ALDH6A1: variants seen among roughly 807,000 people sequenced by gnomAD.
ALDH6A1 encodes methylmalonate-semialdehyde/malonate-semialdehyde dehydrogenase [acylating], mitochondrial.
Under a neutral mutation model 62.6 loss-of-function variants are expected in ALDH6A1, and 43 were observed. That is an observed-to-expected ratio of 0.69 (90% CI 0.54 to 0.89). The LOEUF (loss-of-function observed/expected upper bound fraction) is 0.89. ALDH6A1 is among the 40% of genes least tolerant of loss of function. The pLI is 0.00. For synonymous variants in ALDH6A1, 194 were observed against 234.2 expected (o/e 0.83, Z 1.57); for missense variants, 551 against 661.3 (o/e 0.83, Z 1.83).
At chr14:74,071,577 C>T (rs904997457) in intron 5 of ALDH6A1, 80 bp from the exon 6 acceptor site, 6 of 1,609,030 alleles carry the variant, frequency 3.7e-6, no homozygotes, top group Non-Finnish European at 4.2e-6. Context: ...GCCCTGAGGA[C>T]AGGAAGTGGT....
chr14:74,065,722 ATAGTAAATATAC>A (rs1451568515), intron 9 of ALDH6A1: 4 of 258,530 alleles, frequency 1.5e-5, no homozygotes, highest in Non-Finnish European at 3.0e-5. Context: ...AATCCAATCT[ATAGTAAATATAC>A]CAGGATAATT....
Position 74,068,979 on chromosome 14 carries a change from C to T in ALDH6A1, c.733G>A (p.Val245Ile), listed in dbSNP as rs201987498. ...LNIIHGQHEA[V>I]NFICDHPDIK... is the part of the protein sequence containing the mutation. ...TCCGGATGATCGCAAATAAAATTTA[C>T]AGCTTTAAGAAGAAAATAAATGATC... Residue 245 changes from valine to isoleucine, a missense_variant and splice_region_variant, in exon 7 of 12, where the codon GTA (valine) becomes ATA (isoleucine). Val to Ile is a conservative substitution (Grantham distance 29). Transcript: ENST00000553458. 66 of 1,613,062 alleles carry T rather than the reference C, an allele frequency of 4.1e-5. No individual in the cohort carries two copies. The African/African-American group carries it at 7.9e-4, about 19-fold the overall frequency.
chr14:74,061,127 G>C (rs2060330983), intron 11 of ALDH6A1, among the ~76,000 whole-genome samples: 2 of 151,472 alleles, frequency 1.3e-5, no homozygotes, highest in African/African-American at 2.4e-5. Flanking sequence ...ACAGGCACCT[G>C]CTACCACGCC....
Position 74,066,823 on chromosome 14 carries a change from T to G in ALDH6A1, c.1106A>C (p.Asn369Thr). ...ITPQAKERVC[N>T]LIDSGTKEGA... is the part of the protein sequence containing the mutation. ...CTCCTTTGTTCCACTATCAATCAGA[T>G]TACAGACTCGCTCTTTGGCCTGGGG... The change falls in exon 9 of 12, where the codon AAT (asparagine) becomes ACT (threonine). Residue 369 changes from asparagine (N) to threonine (T), a missense_variant. Asn to Thr is a moderately conservative substitution (Grantham distance 65). Coordinates refer to ENST00000553458, the MANE Select transcript of ALDH6A1 (RefSeq NM_005589.4). The G allele has an allele frequency of 4.3e-6, 7 of 1,614,036 alleles. No homozygotes were observed. The highest frequency in any genetic ancestry group is 5.1e-6 in the Non-Finnish European group (6 of 1,179,986).
intron 2 of ALDH6A1, among the ~76,000 whole-genome samples, chr14:74,073,005 G>A (rs759030868): frequency 1.3e-5 from 2 of 152,112 alleles, no homozygotes; most frequent in Non-Finnish European, 2.9e-5. Context: ...TCACCATGTC[G>A]GCCAGACTGA....
At chr14:74,074,791 C>A (rs2060594223) in intron 2 of ALDH6A1, among the ~76,000 whole-genome samples, 164 bp downstream of exon 2, 1 of 152,104 alleles carries the variant, frequency 6.6e-6, no homozygotes, top group East Asian at 1.9e-4. Context: ...ATGTTTGTAT[C>A]TTTTGACATG....
At chr14:74,084,096 G>C (rs541310360) in intron 1 of ALDH6A1, among the ~76,000 whole-genome samples, 12 of 152,266 alleles carry the variant, frequency 7.9e-5, no homozygotes, top group African/African-American at 2.9e-4. Flanking sequence ...GAGAGTGGGC[G>C]AGAGCCAGAA....
At position 74,060,360 on chromosome 14, in the gene ALDH6A1, A is replaced by AT; in HGVS notation, c.*281dup. ...CTTCAAATCATCAGAAAATGGGATA[A>AT]TTTTTAGAAATCAGGTTTAAGCACT... On this transcript the variant is annotated 3_prime_UTR_variant, in exon 12 of 12. Transcript: ENST00000553458. 2 of 364,572 alleles carry AT rather than the reference A, an allele frequency of 5.5e-6. No homozygotes were observed. Among genetic ancestry groups the AT allele is most frequent in the Non-Finnish European group, 1.0e-5 (2 of 193,422 alleles). 22.6% of individuals were successfully genotyped at this position (364,572 alleles called of 1,614,324 possible).
At position 74,060,606 on chromosome 14, in the gene ALDH6A1, T is replaced by G; in HGVS notation, c.*36A>C. ...AAGCTGGTCAAAAATAAAGGGAGAT[T>G]ACTCAGGATGGAGTCAGTCTTAAAC... On this transcript the variant is annotated 3_prime_UTR_variant, in exon 12 of 12. Transcript: ENST00000553458. 1 of 1,389,162 alleles carries G rather than the reference T, an allele frequency of 7.2e-7. No homozygotes were observed. The highest frequency in any genetic ancestry group is 1.2e-5 in the South Asian group (1 of 86,710). 86.1% of individuals were successfully genotyped at this position (1,389,162 alleles called of 1,614,324 possible). A position where few individuals can be genotyped will look rare whatever the true frequency, so the allele number is the denominator to read the frequency against.
In ALDH6A1 at chr14:74,066,900, CA is replaced by C; in HGVS notation, c.1043-15del. 1 of 1,612,370 alleles carries C rather than the reference CA, an allele frequency of 6.2e-7. No homozygotes were observed. Among genetic ancestry groups the C allele is most frequent in the Non-Finnish European group, 8.5e-7 (1 of 1,178,462 alleles). On this transcript the variant is annotated splice_polypyrimidine_tract_variant and intron_variant, in intron 8 of 11. Transcript: ENST00000553458. ...CAGGCTGATCTCCTGTAAAACAACA[CA>C]GAAGAATTTAAGGTCCTCATTAACA...
chr14:74,062,418 A>G (rs916412567), intron 11 of ALDH6A1, among the ~76,000 whole-genome samples: 1 of 152,138 alleles, frequency 6.6e-6, no homozygotes, highest in Non-Finnish European at 1.5e-5. Context: ...CCTGGCCAAC[A>G]TGGCGAAACC....
intron 2 of ALDH6A1, 44 bp from the exon 3 acceptor site, chr14:74,072,655 C>A (rs778032889): frequency 7.5e-6 from 12 of 1,599,772 alleles, no homozygotes; most frequent in African/African-American, 1.3e-5. Context: ...AAACATGAAA[C>A]TTTGTATTAG....
At chr14:74,070,957 G>A in intron 6 of ALDH6A1, 1 of 547,698 alleles carries the variant, frequency 1.8e-6, no homozygotes. Flanking sequence ...TCTGTGTCTA[G>A]CCCTAATCCA....
At chr14:74,066,616 A>C in intron 9 of ALDH6A1, 89 bp downstream of exon 9, 1 of 1,284,374 alleles carries the variant, frequency 7.8e-7, no homozygotes, top group Non-Finnish European at 1.1e-6. Flanking sequence ...TTAGTCATTA[A>C]GTATTTTCAT....
chr14:74,061,102 C>A (rs1156271478), intron 11 of ALDH6A1, among the ~76,000 whole-genome samples: 1 of 144,864 alleles, frequency 6.9e-6, no homozygotes, highest in East Asian at 2.1e-4. Flanking sequence ...CTCAGCCTCT[C>A]GAGTAGCTGG....
chr14:74,083,494 G>T (rs887151462), intron 1 of ALDH6A1, among the ~76,000 whole-genome samples: 2 of 148,946 alleles, frequency 1.3e-5, no homozygotes, highest in Admixed American at 6.7e-5. Flanking sequence ...CAGAGATGAG[G>T]GTGTGTAGCA....
chr14:74,080,126 C>T (rs375762253), intron 1 of ALDH6A1, among the ~76,000 whole-genome samples: 3 of 152,136 alleles, frequency 2.0e-5, no homozygotes, highest in East Asian at 1.9e-4. Context: ...GCCCACCTCT[C>T]GGTAAATAGG....
intron 6 of ALDH6A1, 126 bp from the exon 7 acceptor site, chr14:74,069,107 T>TTC (rs1555377101): frequency 1.9e-6 from 2 of 1,067,898 alleles, no homozygotes; most frequent in Non-Finnish European, 2.6e-6. Flanking sequence ...TTTTCTTTTT[T>TTC]TTTTTTTTTT....
intron 8 of ALDH6A1, 32 bp from the exon 9 acceptor site, chr14:74,066,918 T>C: frequency 6.3e-7 from 1 of 1,597,088 alleles, no homozygotes. Flanking sequence ...TTTAAGGTCC[T>C]CATTAACATA....
Sources: allele counts gnomAD v4.1 joint callset (sites outside exome capture counted in the v4.1 genomes callset), GRCh38; gene constraint gnomAD v4.1.1; transcripts MANE v1.5; gene names NCBI Gene and HGNC (gene_info 2026-07-23, HGNC 2026-07-21).